Variants in TPP2 observed in about 807,000 individuals in gnomAD.
The protein encoded by TPP2 is tripeptidyl-peptidase 2.
TPP2 carries 34 observed loss-of-function variants against 155.9 expected under a neutral mutation model. The ratio of observed to expected loss-of-function variants is 0.22; its 90% CI spans 0.17 to 0.29. The LOEUF (loss-of-function observed/expected upper bound fraction) is 0.29, where lower values mean the gene tolerates loss of function less well. Among genes scored for constraint, TPP2 ranks in the 10% least tolerant of loss-of-function variants. The probability of loss-of-function intolerance (pLI) is 1.00; values close to 1 mark genes in which losing one functional copy is unlikely to be tolerated. For missense variants in TPP2, 1,028 were observed against 1,522.3 expected, an observed-to-expected ratio of 0.68 and a Z score of 5.40; for synonymous variants, 510 against 529.4, an observed-to-expected ratio of 0.96 and a Z score of 0.50.
intron 2 of TPP2, among the ~76,000 whole-genome samples, chr13:102,606,422 C>G (rs12874771): frequency 0.086 from 13,133 of 152,196 alleles, 602 homozygotes; most frequent in Middle Eastern, 0.12. Flanking sequence ...CTCAGGGTCT[C>G]ACAAGACTGC....
intron 6 of TPP2, among the ~76,000 whole-genome samples, chr13:102,623,281 A>G (rs771565124): frequency 1.3e-5 from 2 of 152,174 alleles, no homozygotes; most frequent in Non-Finnish European, 2.9e-5. Context: ...ATCCATCAAT[A>G]GGCTGGGTGC....
chr13:102,638,949 G>C (rs982593932), intron 15 of TPP2, among the ~76,000 whole-genome samples: 9 of 152,088 alleles, frequency 5.9e-5, no homozygotes, highest in African/African-American at 2.2e-4. Context: ...TACACATTTT[G>C]GCCAACTCAC....
At chr13:102,675,427 T>C (rs1885227124) in intron 28 of TPP2, among the ~76,000 whole-genome samples, 1 of 152,140 alleles carries the variant, frequency 6.6e-6, no homozygotes, top group Non-Finnish European at 1.5e-5. Flanking sequence ...AAAATTTTGA[T>C]ACCTTAGTTT....
intron 2 of TPP2, among the ~76,000 whole-genome samples, chr13:102,612,095 G>A (rs1387345167): frequency 6.6e-6 from 1 of 151,984 alleles, no homozygotes. Context: ...TCAACACTTA[G>A]TCTTAAATAT....
chr13:102,664,858 C>A lies in TPP2; in HGVS notation c.3304C>A (p.Gln1102Lys). The change falls in exon 27 of 30, where the codon CAA becomes AAA. Residue 1102 changes from glutamine (Q) to lysine (K), a missense_variant. This residue lies in a region of TPP2 where 116 missense variants were observed against 117.3 expected (regional missense o/e 0.99). Transcript: ENST00000376052. ...AANAVISHIDQTALAVYIAMK... is the reference protein window; with the variant it reads ...AANAVISHIDKTALAVYIAMK... ...AAATGCTGTTATTTCTCATATAGAT[C>A]AAACAGCCCTAGCAGTTTATATTGC... 1 of 1,613,630 alleles carries A rather than the reference C, an allele frequency of 6.2e-7. No homozygotes were observed. Among genetic ancestry groups the A allele is most frequent in the South Asian group, 1.1e-5 (1 of 91,044 alleles).
intron 24 of TPP2, among the ~76,000 whole-genome samples, chr13:102,653,404 T>G (rs926373419): frequency 2.6e-5 from 4 of 152,162 alleles, no homozygotes; most frequent in African/African-American, 9.7e-5. Flanking sequence ...TGTTTGTATG[T>G]TTTTTTAAGA....
At position 102,646,327 on chromosome 13, in the gene TPP2, A is replaced by G. The variant is rs1883100575; in HGVS notation, c.2427A>G (p.Ser809=). ...PVSAKTKPLG[S]RDVLPNNRQL... ...GTGCAAAAACAAAACCTTTAGGATC[A>G]AGAGATGTTTTGCCAAATAACCGTC... The change falls in exon 20 of 30, where the codon TCA becomes TCG. Residue 809 remains serine, a synonymous_variant. Coordinates refer to ENST00000376052, the MANE Select transcript of TPP2 (RefSeq NM_001330588.2). The G allele has an allele frequency of 6.2e-7, 1 of 1,612,932 alleles. No homozygotes were observed. Among genetic ancestry groups the G allele is most frequent in the African/African-American group, 1.3e-5 (1 of 74,984 alleles).
At chr13:102,668,479 A>G (rs1198030925) in intron 27 of TPP2, among the ~76,000 whole-genome samples, 1 of 152,208 alleles carries the variant, frequency 6.6e-6, no homozygotes, top group East Asian at 1.9e-4. Flanking sequence ...TAAATAACAT[A>G]AGACAAAATG....
At chr13:102,629,273 C>A (rs1477929545) in intron 8 of TPP2, among the ~76,000 whole-genome samples, 2 of 152,162 alleles carry the variant, frequency 1.3e-5, no homozygotes, top group Non-Finnish European at 2.9e-5. Context: ...TTGCACCTAG[C>A]ACTTTCCCCA....
At chr13:102,670,208 A>C (rs937228835) in intron 27 of TPP2, among the ~76,000 whole-genome samples, 2 of 152,166 alleles carry the variant, frequency 1.3e-5, no homozygotes, top group Admixed American at 1.3e-4. Flanking sequence ...TGTAGGCATA[A>C]CTACAGGAGT....
chr13:102,618,045 A>G (rs1880880473), intron 4 of TPP2, among the ~76,000 whole-genome samples: 1 of 152,122 alleles, frequency 6.6e-6, no homozygotes. Context: ...TCATTTTCCT[A>G]ATTATTTGAG....
chr13:102,620,847 C>A (rs1595150729), intron 5 of TPP2, among the ~76,000 whole-genome samples: 2 of 152,200 alleles, frequency 1.3e-5, no homozygotes, highest in African/African-American at 2.4e-5. Context: ...GATTTCTTTA[C>A]AGTGGATTTT....
intron 1 of TPP2, among the ~76,000 whole-genome samples, chr13:102,599,702 A>G (rs1879281607): frequency 6.6e-6 from 1 of 152,182 alleles, no homozygotes; most frequent in South Asian, 2.1e-4. Context: ...AAGTGATTTC[A>G]TATTTCCTCA....
At position 102,674,487 on chromosome 13, in the gene TPP2, T is replaced by A; in HGVS notation, c.3576T>A (p.Asn1192Lys). ...ETTKWTDLFD[N>K]KVLTFAYKHA... Reference sequence around the variant, plus strand: ...CTAAATGGACTGATCTCTTTGACAATAAGGTAACGTTTCTGCTTCTTGTTT... The same window carrying A: ...CTAAATGGACTGATCTCTTTGACAAAAAGGTAACGTTTCTGCTTCTTGTTT... The change falls in exon 28 of 30, where the codon AAT becomes AAA. Residue 1192 changes from asparagine (N) to lysine (K), a missense_variant. This residue lies in a region of TPP2 where 116 missense variants were observed against 117.3 expected (regional missense o/e 0.99). Transcript: ENST00000376052. 1.2e-6 allele frequency: 2 copies of A among 1,613,586 alleles called. No homozygotes were observed. Among genetic ancestry groups the A allele is most frequent in the Non-Finnish European group, 1.7e-6 (2 of 1,179,640 alleles).
Position 102,674,404 on chromosome 13 carries a change from AAGG to A in TPP2, c.3501_3503del (p.Glu1168del), listed in dbSNP as rs780590356. On this transcript the variant is annotated inframe_deletion, in exon 28 of 30. Coordinates refer to ENST00000376052, the MANE Select transcript of TPP2 (RefSeq NM_001330588.2). ...AGCCATTTCCACTGATGCAGAAGGA[AAGG>A]AGGAGGAAGGAGAAAGTCCTTTGGA... is the stretch of plus-strand genomic sequence containing the variant. 6.2e-7 allele frequency: 1 copy of A among 1,613,962 alleles called. No homozygotes were observed. Among genetic ancestry groups the A allele is most frequent in the Non-Finnish European group, 8.5e-7 (1 of 1,179,872 alleles).
chr13:102,623,447 C>T (rs1021844080), intron 6 of TPP2, among the ~76,000 whole-genome samples: 1 of 152,168 alleles, frequency 6.6e-6, no homozygotes, highest in Admixed American at 6.5e-5. Flanking sequence ...CCTGTAATCC[C>T]AGCTACTCGG....
chr13:102,636,636 A>G (rs888017673), intron 13 of TPP2, among the ~76,000 whole-genome samples: 1 of 152,236 alleles, frequency 6.6e-6, no homozygotes, highest in Non-Finnish European at 1.5e-5. Context: ...AGTGACCCAC[A>G]GCTTTATTAA....
chr13:102,637,658 T>C (rs1438672296), intron 14 of TPP2, among the ~76,000 whole-genome samples: 1 of 152,120 alleles, frequency 6.6e-6, no homozygotes, highest in African/African-American at 2.4e-5. Flanking sequence ...TCAAGTGATA[T>C]TCACACCTTA....
chr13:102,597,541 T>C (rs1337895071), intron 1 of TPP2, among the ~76,000 whole-genome samples: 1 of 152,046 alleles, frequency 6.6e-6, no homozygotes, highest in Admixed American at 6.5e-5. Flanking sequence ...TCCCCTTCCT[T>C]CTCGCTTCGG....
Sources: gnomAD v4.1 joint callset for allele counts (sites outside exome capture counted in the v4.1 genomes callset) on GRCh38, gnomAD v4.1.1 for gene constraint, gnomAD v4.1.1 regional missense constraint, MANE v1.5 for transcripts, NCBI Gene and HGNC (gene_info 2026-07-23, HGNC 2026-07-21) for gene names.